Variants in CLPB observed in about 807,000 individuals in gnomAD.
The protein encoded by CLPB is ClpB family mitochondrial disaggregase, also known as mitochondrial disaggregase.
In CLPB, 40 loss-of-function variants were observed where a neutral mutation model predicts 78.4. That is an observed-to-expected ratio of 0.51 (90% CI 0.40 to 0.66). The LOEUF is 0.66. Among genes scored for constraint, CLPB ranks in the 30% least tolerant of loss-of-function variants. The pLI, the probability that CLPB is intolerant of heterozygous loss-of-function variation, is 0.00. For synonymous variants in CLPB, 333 were observed against 348.0 expected (o/e 0.96, Z 0.48); for missense variants, 780 against 886.9 (o/e 0.88, Z 1.53).
chr11:72,397,801 G>A (rs1479911644), intron 3 of CLPB, among the ~76,000 whole-genome samples: 1 of 152,004 alleles, frequency 6.6e-6, no homozygotes, highest in Non-Finnish European at 1.5e-5. Flanking sequence ...GAAATTATAA[G>A]AATCTAAGTC....
At chr11:72,411,335 G>T (rs1855870962) in intron 2 of CLPB, among the ~76,000 whole-genome samples, 1 of 152,220 alleles carries the variant, frequency 6.6e-6, no homozygotes, top group Non-Finnish European at 1.5e-5. Flanking sequence ...CAGCTTCTCA[G>T]TCTCAGGGCT....
intron 3 of CLPB, among the ~76,000 whole-genome samples, chr11:72,383,507 G>T (rs1854982600): frequency 6.7e-6 from 1 of 150,130 alleles, no homozygotes; most frequent in Non-Finnish European, 1.5e-5. Flanking sequence ...TTCCAGCCTG[G>T]GCGACAGAGC....
chr11:72,401,120 A>C (rs909789843), intron 3 of CLPB, among the ~76,000 whole-genome samples: 2 of 152,172 alleles, frequency 1.3e-5, no homozygotes, highest in Admixed American at 1.3e-4. Context: ...TCAACTACGA[A>C]GCCTATTTAT....
chr11:72,397,971 C>T (rs2135066756), intron 3 of CLPB, among the ~76,000 whole-genome samples: 1 of 152,314 alleles, frequency 6.6e-6, no homozygotes, highest in South Asian at 2.1e-4. Context: ...ATTTTTATCT[C>T]CATTGCAAGC....
At chr11:72,375,140 G>T (rs1226061623) in intron 4 of CLPB, among the ~76,000 whole-genome samples, 1 of 151,810 alleles carries the variant, frequency 6.6e-6, no homozygotes, top group East Asian at 1.9e-4. Flanking sequence ...ATGTTTTTTT[G>T]GAGGACAGGA....
intron 4 of CLPB, among the ~76,000 whole-genome samples, chr11:72,369,832 G>A (rs1479566330): frequency 6.6e-6 from 1 of 152,092 alleles, no homozygotes; most frequent in Non-Finnish European, 1.5e-5. Flanking sequence ...TCCCATCCAG[G>A]GAGGGGCAGA....
At chr11:72,366,368 C>T (rs1950942687) in intron 4 of CLPB, among the ~76,000 whole-genome samples, 1 of 152,076 alleles carries the variant, frequency 6.6e-6, no homozygotes. Context: ...GTGTGCACCA[C>T]CACACCCGGC....
At chr11:72,362,153 A>G (rs1159960587) in intron 4 of CLPB, among the ~76,000 whole-genome samples, 2 of 152,158 alleles carry the variant, frequency 1.3e-5, no homozygotes. Context: ...CCCCTCTCCC[A>G]TGCCTTTAGT....
chr11:72,389,710 G>A (rs1245300862), intron 3 of CLPB, among the ~76,000 whole-genome samples: 1 of 152,264 alleles, frequency 6.6e-6, no homozygotes, highest in South Asian at 2.1e-4. Context: ...AGGATCATTT[G>A]AGCCCAGGAG....
At chr11:72,403,307 T>C (rs1855617787) in intron 2 of CLPB, among the ~76,000 whole-genome samples, 1 of 152,178 alleles carries the variant, frequency 6.6e-6, no homozygotes. Flanking sequence ...CCTACCTCTC[T>C]CCTTCCCTTA....
In CLPB at chr11:72,307,274, A is replaced by T; in HGVS notation, c.1067-20T>A. The T allele has an allele frequency of 6.2e-7, 1 of 1,611,580 alleles. No individual in the cohort carries two copies. Among genetic ancestry groups the T allele is most frequent in the Admixed American group, 1.7e-5 (1 of 59,968 alleles). On this transcript the variant is annotated intron_variant, in intron 8 of 15. Transcript: ENST00000538039. ...TTTTTCCTAGTAAGAAAGAAGGGGG[A>T]GGTGTTGGGTTAGAACCAGGTGACT...
rs887767402 is a variant in CLPB, at chr11:72,293,964, G to T, written c.1785+58C>A. On this transcript the variant is annotated intron_variant, in intron 15 of 15. Transcript: ENST00000538039. ...GGCTGAGAGCTCAGGGACTGGGTCT[G>T]GGGGGCCCTGGGGAGGGAGGTGTGG... 4 of 1,447,608 alleles carry T rather than the reference G, an allele frequency of 2.8e-6. No homozygotes were observed. The African/African-American group carries it at 4.2e-5, about 15-fold the overall frequency. The allele number at this position is 1,447,608 out of a possible 1,614,324, so 89.7% of individuals were successfully genotyped here. A position where few individuals can be genotyped will look rare whatever the true frequency, so the allele number is the denominator to read the frequency against.
chr11:72,412,586 C>T (rs1855910891), intron 2 of CLPB, among the ~76,000 whole-genome samples: 1 of 152,230 alleles, frequency 6.6e-6, no homozygotes, highest in Admixed American at 6.5e-5. Context: ...GAGCCTGCCT[C>T]TGTCTGTCTC....
chr11:72,401,077 A>AAGGC (rs1239337362), intron 3 of CLPB, among the ~76,000 whole-genome samples: 6 of 152,206 alleles, frequency 3.9e-5, no homozygotes, highest in Admixed American at 1.3e-4. Flanking sequence ...AAATTCAGTT[A>AAGGC]AGGCTTGGAA....
intron 4 of CLPB, among the ~76,000 whole-genome samples, chr11:72,365,270 C>T (rs771044725): frequency 5.3e-5 from 8 of 152,068 alleles, no homozygotes; most frequent in African/African-American, 1.4e-4. Context: ...TATAGTGAGC[C>T]GTGATCACAC....
chr11:72,360,832 G>A (rs1361143640), intron 4 of CLPB, among the ~76,000 whole-genome samples: 3 of 152,104 alleles, frequency 2.0e-5, no homozygotes, highest in Non-Finnish European at 2.9e-5. Context: ...TTACATAGTA[G>A]GTAATTATTA....
chr11:72,317,058 C>A, intron 7 of CLPB, 48 bp downstream of exon 7: 1 of 1,342,182 alleles, frequency 7.5e-7, no homozygotes, highest in Non-Finnish European at 1.0e-6. Flanking sequence ...ACAGGATGTA[C>A]CCCTCAAAGG....
chr11:72,357,962 G>A (rs1419137318), intron 5 of CLPB, among the ~76,000 whole-genome samples: 1 of 152,148 alleles, frequency 6.6e-6, no homozygotes, highest in African/African-American at 2.4e-5. Flanking sequence ...ACCAGAGGAG[G>A]CATGAACAGG....
intron 4 of CLPB, among the ~76,000 whole-genome samples, chr11:72,367,902 A>C (rs772947672): frequency 2.0e-5 from 3 of 152,160 alleles, no homozygotes; most frequent in Non-Finnish European, 4.4e-5. Context: ...TTTTATTGAT[A>C]TATAATTCAC....
Sources: allele counts gnomAD v4.1 joint callset (sites outside exome capture counted in the v4.1 genomes callset), GRCh38; gene constraint gnomAD v4.1.1; transcripts MANE v1.5; gene names NCBI Gene and HGNC (gene_info 2026-07-23, HGNC 2026-07-21).